SEPTIN9: variants seen among roughly 807,000 people sequenced by gnomAD.
SEPTIN9 encodes the protein septin 9, also known as septin-9.
Under a neutral mutation model 56.6 loss-of-function variants are expected in SEPTIN9, and 13 were observed. That is an observed-to-expected ratio of 0.23 (90% CI 0.15 to 0.37). SEPTIN9 has a LOEUF of 0.37. SEPTIN9 is among the 10% of genes least tolerant of loss of function. The pLI, the probability that SEPTIN9 is intolerant of heterozygous loss-of-function variation, is 1.00. For missense variants in SEPTIN9, 650 were observed against 823.1 expected (o/e 0.79, Z 2.57); for synonymous variants, 332 against 334.1 (o/e 0.99, Z 0.07).
Position 77,402,825 on chromosome 17 carries a change from AG to A in SEPTIN9, c.721+123del. 1 of 1,027,526 alleles carries A rather than the reference AG, an allele frequency of 9.7e-7. No individual in the cohort carries two copies. The highest frequency in any genetic ancestry group is 1.8e-5 in the South Asian group (1 of 56,472). 63.7% of individuals were successfully genotyped at this position (1,027,526 alleles called of 1,614,324 possible). On this transcript the variant is annotated intron_variant, in intron 3 of 11. Transcript: ENST00000427177. This position sits in a 1 kb window ranked among gnomAD's most constrained non-coding sequence, Gnocchi z 6.6. ...GTGGAGGGTGCTACCCTGGAGACCC[AG>A]AAAGACCGGAATGCATGGGGGTGGG...
chr17:77,492,482 T>C lies in SEPTIN9; in HGVS notation c.1381-139T>C, dbSNP rs1016694147. On this transcript the variant is annotated intron_variant, in intron 8 of 11. Transcript: ENST00000427177. The surrounding 1 kb of genome is among the most constrained non-coding windows in gnomAD (Gnocchi z 5.4). The stretch of plus-strand genomic sequence containing the variant: ...CAGGAGGCACAGGAGTTGGAGGTGA[T>C]TGGTGTCACAGCCCCCCAGAGCCTG... The C allele has an allele frequency of 1.3e-6, 1 of 765,892 alleles. No individual in the cohort carries two copies. Among genetic ancestry groups the C allele is most frequent in the African/African-American group, 1.7e-5 (1 of 58,976 alleles). 47.4% of individuals were successfully genotyped at this position (765,892 alleles called of 1,614,324 possible).
At chr17:77,300,162 A>G (rs956725553) in intron 1 of SEPTIN9, among the ~76,000 whole-genome samples, 1 of 152,106 alleles carries the variant, frequency 6.6e-6, no homozygotes, top group Non-Finnish European at 1.5e-5. Context: ...CAGTGGCATG[A>G]TGTTGGCTCA....
chr17:77,498,129 G>A (rs981250311), intron 11 of SEPTIN9, among the ~76,000 whole-genome samples: 6 of 151,986 alleles, frequency 3.9e-5, no homozygotes, highest in East Asian at 1.9e-4. Context: ...CCTGGAGGCC[G>A]GTGGTCACCC....
rs558204535 is a variant in SEPTIN9 at position 77,451,922 on chromosome 17, T to G, written c.722-30222T>G. 1.3e-5 allele frequency among the ~76,000 whole-genome samples: 2 copies of G among 152,280 alleles called. No homozygotes were observed. The highest frequency in any genetic ancestry group is 4.8e-5 in the African/African-American group (2 of 41,570). On this transcript the variant is annotated intron_variant, in intron 3 of 11. Coordinates refer to ENST00000427177, the MANE Select transcript of SEPTIN9 (RefSeq NM_001113491.2). This position sits in a 1 kb window ranked among gnomAD's most constrained non-coding sequence, Gnocchi z 4.2. ...GAAGAAATTCGAATTGGCCACCGCT[T>G]TCTCTAAAATCACTCCGCTCAAGTT...
At chr17:77,322,198 C>T (rs2032963710) in intron 2 of SEPTIN9, among the ~76,000 whole-genome samples, 1 of 152,284 alleles carries the variant, frequency 6.6e-6, no homozygotes, top group East Asian at 1.9e-4. Flanking sequence ...GGGGGTGGTG[C>T]TCCCTGGGGA....
At chr17:77,289,514 T>C (rs2031439988) in intron 1 of SEPTIN9, among the ~76,000 whole-genome samples, 1 of 151,012 alleles carries the variant, frequency 6.6e-6, no homozygotes, top group South Asian at 2.1e-4. Context: ...GTTCAAGCGA[T>C]TCTCTTGCCT....
chr17:77,482,387 C>G (rs1300289107), intron 4 of SEPTIN9, 52 bp downstream of exon 4: 1 of 1,577,404 alleles, frequency 6.3e-7, no homozygotes, highest in South Asian at 1.1e-5. Context: ...CCAGCCTCAG[C>G]CCCCAGGGCG....
At chr17:77,296,388 G>C (rs2031813343) in intron 1 of SEPTIN9, among the ~76,000 whole-genome samples, 2 of 152,224 alleles carry the variant, frequency 1.3e-5, no homozygotes, top group Admixed American at 6.5e-5. Flanking sequence ...CAGAGAGAGA[G>C]AGAGACAGGC....
At chr17:77,412,220 C>T (rs1056200107) in intron 3 of SEPTIN9, among the ~76,000 whole-genome samples, 4 of 151,964 alleles carry the variant, frequency 2.6e-5, no homozygotes, top group African/African-American at 9.7e-5. Context: ...CTCCCCTCGT[C>T]GACCTGCTCA....
intron 3 of SEPTIN9, among the ~76,000 whole-genome samples, chr17:77,427,427 A>G (rs1006358100): frequency 2.6e-5 from 4 of 152,138 alleles, no homozygotes; most frequent in Non-Finnish European, 5.9e-5. Flanking sequence ...CAACACAAGA[A>G]AAAATAGCTA....
chr17:77,373,236 A>C, intron 2 of SEPTIN9: 1 of 1,109,126 alleles, frequency 9.0e-7, no homozygotes, highest in African/African-American at 1.7e-5. Flanking sequence ...AGTGCGAGAC[A>C]GGGAGGCCGG....
rs1266143174 is a variant in SEPTIN9, at chr17:77,487,579, TGC to T, written c.1042+28_1042+29del. ...TCAGTGGCCGGGAGTGGGCTGGGGG[TGC>T]AGGACGCCCCTGCCTTCCTGGAGCA... On this transcript the variant is annotated intron_variant, in intron 5 of 11. Coordinates refer to ENST00000427177, the MANE Select transcript of SEPTIN9 (RefSeq NM_001113491.2). The surrounding 1 kb of genome is among the most constrained non-coding windows in gnomAD (Gnocchi z 4.3). 2 of 1,600,346 alleles carry T rather than the reference TGC, an allele frequency of 1.2e-6. No individual in the cohort carries two copies. Among genetic ancestry groups the T allele is most frequent in the African/African-American group, 3.0e-5 (2 of 66,502 alleles).
At chr17:77,376,007 C>A in intron 2 of SEPTIN9, 1 of 723,656 alleles carries the variant, frequency 1.4e-6, no homozygotes, top group Non-Finnish European at 1.7e-6. Flanking sequence ...TGTGATTCAG[C>A]CCAGCCAGGG....
chr17:77,319,000 G>A lies in SEPTIN9; in HGVS notation c.76+11803G>A, dbSNP rs929905734. On this transcript the variant is annotated intron_variant, in intron 2 of 11. Coordinates refer to ENST00000427177, the MANE Select transcript of SEPTIN9 (RefSeq NM_001113491.2). This position sits in a 1 kb window ranked among gnomAD's most constrained non-coding sequence, Gnocchi z 4.9. ...GAACTGTCTTATACCAGCCCTGTGC[G>A]GCCAGGCAGGAAGGCTTCCGTGGTG... 6.6e-6 allele frequency among the ~76,000 whole-genome samples: 1 copy of A among 152,194 alleles called. No individual in the cohort carries two copies. The highest frequency in any genetic ancestry group is 2.4e-5 in the African/African-American group (1 of 41,436).
At chr17:77,377,790 T>G (rs956526830) in intron 2 of SEPTIN9, among the ~76,000 whole-genome samples, 2 of 152,246 alleles carry the variant, frequency 1.3e-5, no homozygotes, top group African/African-American at 4.8e-5. Context: ...GGTGCAGACC[T>G]GTCCCTAATT....
In SEPTIN9 at chr17:77,499,670, G is replaced by A. The variant is rs897554465; in HGVS notation, c.*1012G>A. On this transcript the variant is annotated 3_prime_UTR_variant, in exon 12 of 12. Coordinates refer to ENST00000427177, the MANE Select transcript of SEPTIN9 (RefSeq NM_001113491.2). ...TGTGTGTGTGTCCATGTGTATGCGT[G>A]TCCGTCTGTCTGTCTAGTGTCTGGG... 1 of 416,602 alleles carries A rather than the reference G, an allele frequency of 2.4e-6. No homozygotes were observed. Among genetic ancestry groups the A allele is most frequent in the South Asian group, 2.3e-5 (1 of 44,322 alleles). 25.8% of individuals were successfully genotyped at this position (416,602 alleles called of 1,614,324 possible).
rs544797046 is a variant in SEPTIN9 at position 77,402,424 on chromosome 17, C to T, written c.442C>T (p.Arg148Trp). 4.0e-4 allele frequency: 652 copies of T among 1,610,470 alleles called. 11 individuals carry two copies. The South Asian group carries it at 5.7e-3, about 14-fold the overall frequency. ...LGHKTPEPAP[R>W]RTEITIVKPQ... is the part of the protein sequence containing the mutation. The stretch of plus-strand genomic sequence containing the variant: ...CCACAAGACGCCAGAACCGGCCCCT[C>T]GGAGGACGGAGATCACCATCGTCAA... Residue 148 changes from arginine to tryptophan, a missense_variant, in exon 3 of 12, where the codon CGG (arginine) becomes TGG (tryptophan). This residue lies in a region of SEPTIN9 where 317 missense variants were observed against 329.1 expected (regional missense o/e 0.96). Transcript: ENST00000427177. The surrounding 1 kb of genome is among the most constrained non-coding windows in gnomAD (Gnocchi z 6.6).
chr17:77,403,257 C>A (rs368510214), intron 3 of SEPTIN9, among the ~76,000 whole-genome samples: 4 of 152,284 alleles, frequency 2.6e-5, no homozygotes, highest in African/African-American at 7.2e-5. Flanking sequence ...CCTCCTCCCC[C>A]AGGAGGGATG....
rs577495709 is a variant in SEPTIN9 at position 77,292,863 on chromosome 17, A to G, written c.19+11309A>G. 1.9e-3 allele frequency among the ~76,000 whole-genome samples: 288 copies of G among 152,148 alleles called. 1 individual carries two copies. The highest frequency in any genetic ancestry group is 3.4e-3 in the Non-Finnish European group (232 of 68,000). ...AGTTTTTGACCACTGGTCTCGCTCC[A>G]CGTGATCTGTGATCTTCCCCTTGGC... is the stretch of plus-strand genomic sequence containing the variant. On this transcript the variant is annotated intron_variant, in intron 1 of 11. Transcript: ENST00000427177.
Sources: allele counts gnomAD v4.1 joint callset (sites outside exome capture counted in the v4.1 genomes callset), GRCh38; gene constraint gnomAD v4.1.1; regional missense constraint gnomAD v4.1.1; non-coding constraint Gnocchi (gnomAD v3.1); transcripts MANE v1.5; gene names NCBI Gene and HGNC (gene_info 2026-07-23, HGNC 2026-07-21).